ARHGAP42: variants seen among roughly 807,000 people sequenced by gnomAD.
ARHGAP42 encodes the protein rho GTPase-activating protein 42.
A neutral mutation model predicts 125.0 loss-of-function variants in ARHGAP42; 63 were observed. That is an observed-to-expected ratio of 0.50 (90% confidence interval 0.41 to 0.62). The LOEUF is 0.62. Among genes scored for constraint, ARHGAP42 ranks in the 20% least tolerant of loss-of-function variants. The probability of loss-of-function intolerance (pLI) is 0.00; values close to 1 mark genes in which losing one functional copy is unlikely to be tolerated. For missense variants in ARHGAP42, 766 were observed against 1,024.2 expected (o/e 0.75, Z 3.44); for synonymous variants, 339 against 351.0 (o/e 0.97, Z 0.38).
intron 12 of ARHGAP42, 51 bp downstream of exon 12, chr11:100,950,007 C>T (rs1005139512): frequency 5.2e-6 from 6 of 1,149,246 alleles, no homozygotes; most frequent in Non-Finnish European, 6.2e-6. Context: ...TTATTTTTAA[C>T]ACAAAAGCAT....
chr11:100,814,845 A>G (rs1436202452), intron 3 of ARHGAP42, among the ~76,000 whole-genome samples: 1 of 152,236 alleles, frequency 6.6e-6, no homozygotes, highest in African/African-American at 2.4e-5. Flanking sequence ...GTTGAACATA[A>G]GATTTGGGTG....
rs527384101 is a variant in ARHGAP42, at chr11:100,780,786, AT to A, written c.250+10356del. Among the ~76,000 whole-genome samples, 613 of 152,242 alleles carry A rather than the reference AT, an allele frequency of 4.0e-3. 1 individual carries two copies. Among genetic ancestry groups the A allele is most frequent in the Non-Finnish European group, 4.5e-3 (303 of 68,002 alleles). The stretch of plus-strand genomic sequence containing the variant: ...ACAATGGGTGGCATAAGTAGTTTAA[AT>A]TTTTTTTGGAGGACACCAACATTAA... On this transcript the variant is annotated intron_variant, in intron 2 of 23. Transcript: ENST00000298815.
intron 4 of ARHGAP42, among the ~76,000 whole-genome samples, chr11:100,891,517 G>A (rs896665972): frequency 2.1e-5 from 3 of 143,666 alleles, no homozygotes; most frequent in Non-Finnish European, 3.0e-5. Flanking sequence ...ATCTTGGCTT[G>A]CTGCAACCTC....
chr11:100,775,779 T>C (rs1863104218), intron 2 of ARHGAP42, among the ~76,000 whole-genome samples: 1 of 152,250 alleles, frequency 6.6e-6, no homozygotes, highest in African/African-American at 2.4e-5. Flanking sequence ...CAAGTTACTC[T>C]ATTTTGTTTT....
At chr11:100,922,788 C>T (rs1335912493) in intron 6 of ARHGAP42, among the ~76,000 whole-genome samples, 1 of 152,144 alleles carries the variant, frequency 6.6e-6, no homozygotes, top group Admixed American at 6.5e-5. Context: ...TCAGGCCCAA[C>T]CTGGCTTCCA....
intron 1 of ARHGAP42, among the ~76,000 whole-genome samples, chr11:100,756,673 A>G (rs1862585211): frequency 6.6e-6 from 1 of 152,208 alleles, no homozygotes; most frequent in African/African-American, 2.4e-5. Context: ...TTGCAGTAAG[A>G]TGATAATTAG....
At chr11:100,879,033 A>C (rs886530885) in intron 4 of ARHGAP42, among the ~76,000 whole-genome samples, 1 of 151,386 alleles carries the variant, frequency 6.6e-6, no homozygotes. Flanking sequence ...AGTGTGGTTT[A>C]GTTTGAGGTA....
At chr11:100,915,089 T>C (rs1400639958) in intron 5 of ARHGAP42, among the ~76,000 whole-genome samples, 1 of 152,146 alleles carries the variant, frequency 6.6e-6, no homozygotes, top group Non-Finnish European at 1.5e-5. Context: ...TAATTTAATA[T>C]ATAATTATGT....
intron 3 of ARHGAP42, among the ~76,000 whole-genome samples, chr11:100,835,089 G>A (rs1864754966): frequency 6.6e-6 from 1 of 152,032 alleles, no homozygotes; most frequent in South Asian, 2.1e-4. Flanking sequence ...TAGTGTCGAG[G>A]TTCATCTTTC....
chr11:100,892,069 C>G (rs1459141358), intron 4 of ARHGAP42, among the ~76,000 whole-genome samples: 1 of 151,982 alleles, frequency 6.6e-6, no homozygotes, highest in Non-Finnish European at 1.5e-5. Flanking sequence ...GGAGATGAGA[C>G]GAAAAAGACA....
intron 2 of ARHGAP42, among the ~76,000 whole-genome samples, chr11:100,788,171 C>T (rs2135021510): frequency 6.6e-6 from 1 of 152,308 alleles, no homozygotes; most frequent in African/African-American, 2.4e-5. Context: ...TTTGCCTAAA[C>T]TTAACTCATC....
At chr11:100,740,688 C>T (rs529335339) in intron 1 of ARHGAP42, among the ~76,000 whole-genome samples, 1 of 152,138 alleles carries the variant, frequency 6.6e-6, no homozygotes, top group African/African-American at 2.4e-5. Flanking sequence ...CAAGATAAAG[C>T]GATGGGGTAG....
intron 1 of ARHGAP42, among the ~76,000 whole-genome samples, chr11:100,753,015 G>A (rs1862494764): frequency 6.6e-6 from 1 of 152,154 alleles, no homozygotes; most frequent in African/African-American, 2.4e-5. Context: ...GTTTCCAGAT[G>A]ATGATTGGGG....
chr11:100,948,514 A>C lies in ARHGAP42; in HGVS notation c.1101A>C (p.Glu367Asp). 1 of 1,550,234 alleles carries C rather than the reference A, an allele frequency of 6.5e-7. No individual in the cohort carries two copies. The highest frequency in any genetic ancestry group is 8.7e-7 in the Non-Finnish European group (1 of 1,145,948). ...AAGCTAATAGGAAACTCTGGCTTGA[A>C]GCCATGGATGGGAAGGAACCGGTAA... ...FSEANRKLWL[E>D]AMDGKEPIYT... Residue 367 changes from glutamate (E) to aspartate (D), a missense_variant, in exon 11 of 24, where the codon GAA becomes GAC. Transcript: ENST00000298815.
At chr11:100,911,852 G>C (rs1222284118) in intron 4 of ARHGAP42, among the ~76,000 whole-genome samples, 1 of 152,020 alleles carries the variant, frequency 6.6e-6, no homozygotes, top group East Asian at 1.9e-4. Flanking sequence ...ATCTTGGTAG[G>C]ACCACATTTT....
intron 17 of ARHGAP42, among the ~76,000 whole-genome samples, chr11:100,966,824 C>G (rs1014917499): frequency 1.3e-5 from 2 of 152,078 alleles, no homozygotes; most frequent in Non-Finnish European, 2.9e-5. Flanking sequence ...AAACAAATGT[C>G]TAAATCCAGT....
intron 4 of ARHGAP42, among the ~76,000 whole-genome samples, chr11:100,896,456 A>G (rs557580881): frequency 1.3e-5 from 2 of 152,206 alleles, no homozygotes; most frequent in Non-Finnish European, 2.9e-5. Flanking sequence ...CTTCCCACCA[A>G]CAGTGTAAAA....
chr11:100,896,096 G>T (rs1866351681), intron 4 of ARHGAP42, among the ~76,000 whole-genome samples: 1 of 152,136 alleles, frequency 6.6e-6, no homozygotes, highest in Non-Finnish European at 1.5e-5. Flanking sequence ...TGCGGTGTTT[G>T]GTTTTCTGTC....
chr11:100,789,087 A>G (rs1256358489), intron 2 of ARHGAP42, among the ~76,000 whole-genome samples: 1 of 152,170 alleles, frequency 6.6e-6, no homozygotes, highest in African/African-American at 2.4e-5. Context: ...ATCCGATTTA[A>G]GTGGTAATGT....
Sources: gnomAD v4.1 joint callset for allele counts (sites outside exome capture counted in the v4.1 genomes callset) on GRCh38, gnomAD v4.1.1 for gene constraint, MANE v1.5 for transcripts, NCBI Gene and HGNC (gene_info 2026-07-23, HGNC 2026-07-21) for gene names.